ATP2B2: variants seen among roughly 807,000 people sequenced by gnomAD.
ATP2B2 encodes the protein ATPase plasma membrane Ca2+ transporting 2, also known as plasma membrane calcium-transporting ATPase 2.
A neutral mutation model predicts 120.0 loss-of-function variants in ATP2B2; 15 were observed. The observed-to-expected ratio is 0.12, with a 90% CI of 0.08 to 0.19. The LOEUF is 0.19. ATP2B2 is among the 10% of genes least tolerant of loss of function. ATP2B2 has a pLI of 1.00. For synonymous variants in ATP2B2, 694 were observed against 700.3 expected (o/e 0.99, Z 0.14); for missense variants, 1,045 against 1,719.8 (o/e 0.61, Z 6.94).
At chr3:10,568,961 C>T (rs573386248) in intron 2 of ATP2B2, among the ~76,000 whole-genome samples, 1 of 152,324 alleles carries the variant, frequency 6.6e-6, no homozygotes, top group South Asian at 2.1e-4. Context: ...CAGCTAGAAA[C>T]AACAACTTGC....
chr3:10,449,915 G>A (rs2063973512), intron 1 of ATP2B2, 53 bp from the exon 2 acceptor site: 1 of 367,936 alleles, frequency 2.7e-6, no homozygotes, highest in Non-Finnish European at 5.2e-6. Context: ...GAGGCCACAT[G>A]GGACAGGTGC....
At chr3:10,398,771 C>T (rs1050992583) in intron 5 of ATP2B2, among the ~76,000 whole-genome samples, 5 of 152,218 alleles carry the variant, frequency 3.3e-5, no homozygotes, top group Non-Finnish European at 5.9e-5. Context: ...GAGAGCTCCC[C>T]AAGCTCCCCA....
In ATP2B2 at chr3:10,417,802, G is replaced by A. The variant is rs183005043; in HGVS notation, c.200-6987C>T. Among the ~76,000 whole-genome samples, 385 of 152,268 alleles carry A rather than the reference G, an allele frequency of 2.5e-3. 2 individuals are homozygous for A. The highest frequency in any genetic ancestry group is 4.4e-3 in the Non-Finnish European group (296 of 68,020). Reference sequence around the variant, plus strand: ...AAGGAGTGAGGGTTGATCAGATGAAGGGATATGGGTGGGGAGAAGGGCTGT... The same window carrying A: ...AAGGAGTGAGGGTTGATCAGATGAAAGGATATGGGTGGGGAGAAGGGCTGT... On this transcript the variant is annotated intron_variant, in intron 2 of 22. Coordinates refer to ENST00000360273, the MANE Select transcript of ATP2B2 (RefSeq NM_001001331.4).
Position 10,378,428 on chromosome 3 carries a change from C to G in ATP2B2, c.1043-18G>C, listed in dbSNP as rs773384958. ...TTGTTTGGCTGCAGGGGGCAGATCA[C>G]GCACGTGCATACACACAGACACATA... On this transcript the variant is annotated intron_variant, in intron 9 of 22. Transcript: ENST00000360273. The G allele has an allele frequency of 2.5e-6, 4 of 1,599,766 alleles. No individual in the cohort carries two copies. Among genetic ancestry groups the G allele is most frequent in the Non-Finnish European group, 3.4e-6 (4 of 1,179,920 alleles).
chr3:10,450,062 G>A (rs2063980125), intron 1 of ATP2B2, among the ~76,000 whole-genome samples, 200 bp from the exon 2 acceptor site: 1 of 152,048 alleles, frequency 6.6e-6, no homozygotes, highest in Admixed American at 6.5e-5. Context: ...CACCCTCAAG[G>A]CATAGCCCCA....
At position 10,522,036 on chromosome 3, in the gene ATP2B2, CA is replaced by C. The variant is rs1055083975; in HGVS notation, c.-320+12002del. ...TCTTTCACAGTTCACAGAGGTGGGA[CA>C]GTGGGGTTGGGGATTGAAAGACAAG... On this transcript the variant is annotated intron_variant, in intron 3 of 21. Coordinates refer to the ATP2B2 transcript ENST00000646379. 1.8e-4 allele frequency among the ~76,000 whole-genome samples: 27 copies of C among 152,208 alleles called. 1 individual carries two copies. The highest frequency in any genetic ancestry group is 6.3e-4 in the African/African-American group (26 of 41,536).
At chr3:10,652,157 C>T (rs2070484467) in intron 1 of ATP2B2, among the ~76,000 whole-genome samples, 2 of 152,168 alleles carry the variant, frequency 1.3e-5, no homozygotes, top group Admixed American at 6.5e-5. Context: ...CCCACCTCAG[C>T]CCCAGATGTG....
intron 3 of ATP2B2, among the ~76,000 whole-genome samples, chr3:10,514,851 T>TCTCA (rs2066844439): frequency 6.6e-6 from 1 of 152,138 alleles, no homozygotes; most frequent in Non-Finnish European, 1.5e-5. Flanking sequence ...GGGCCACCTC[T>TCTCA]CTCACTGCAC....
chr3:10,706,957 T>C (rs1301685550), intron 1 of ATP2B2, among the ~76,000 whole-genome samples: 3 of 152,228 alleles, frequency 2.0e-5, no homozygotes, highest in Non-Finnish European at 4.4e-5. Flanking sequence ...TCACCCTCTC[T>C]GGGCCTCATG....
intron 1 of ATP2B2, among the ~76,000 whole-genome samples, chr3:10,454,152 A>G (rs1303844385): frequency 6.6e-6 from 1 of 152,232 alleles, no homozygotes; most frequent in East Asian, 1.9e-4. Context: ...TCTGCCCTCT[A>G]CGAGCCCACA....
intron 12 of ATP2B2, among the ~76,000 whole-genome samples, chr3:10,369,846 C>A (rs978888980): frequency 1.1e-4 from 17 of 152,230 alleles, no homozygotes; most frequent in Admixed American, 1.1e-3. Context: ...CACACAGAGG[C>A]TCTGCTGTCC....
chr3:10,458,260 T>G (rs2064348959), intron 1 of ATP2B2, among the ~76,000 whole-genome samples: 1 of 152,162 alleles, frequency 6.6e-6, no homozygotes, highest in East Asian at 1.9e-4. Flanking sequence ...GACACTCAGA[T>G]CCTTTTTCCT....
At chr3:10,433,127 C>T (rs1403975224) in intron 2 of ATP2B2, among the ~76,000 whole-genome samples, 1 of 152,218 alleles carries the variant, frequency 6.6e-6, no homozygotes, top group East Asian at 1.9e-4. Context: ...CTCCAGCTGC[C>T]TCTCTCAAGT....
intron 1 of ATP2B2, among the ~76,000 whole-genome samples, chr3:10,678,597 G>A (rs1171197133): frequency 6.6e-6 from 1 of 152,150 alleles, no homozygotes; most frequent in East Asian, 1.9e-4. Context: ...GAAGCCTGGG[G>A]GCCTCTCAGA....
intron 1 of ATP2B2, among the ~76,000 whole-genome samples, chr3:10,651,099 C>A (rs551278184): frequency 2.0e-5 from 3 of 152,198 alleles, no homozygotes; most frequent in Non-Finnish European, 4.4e-5. Context: ...ATTTTACATG[C>A]TCATAGGCAG....
intron 1 of ATP2B2, among the ~76,000 whole-genome samples, chr3:10,479,956 G>A (rs549610459): frequency 3.3e-5 from 5 of 152,238 alleles, no homozygotes; most frequent in East Asian, 3.9e-4. Flanking sequence ...TTAGCCAGGC[G>A]TGGTGGTGCA....
intron 2 of ATP2B2, among the ~76,000 whole-genome samples, chr3:10,535,385 A>ATG (rs34707434): frequency 0.051 from 7,546 of 147,108 alleles, 264 homozygotes; most frequent in African/African-American, 0.1. Context: ...CAGCAGTTTG[A>ATG]TGTGTGTGTG....
chr3:10,492,267 C>T (rs571508976), intron 1 of ATP2B2, among the ~76,000 whole-genome samples: 12 of 152,064 alleles, frequency 7.9e-5, no homozygotes, highest in Non-Finnish European at 1.6e-4. Flanking sequence ...CAGGTAAGCA[C>T]CAGGCAAGAA....
At chr3:10,393,610 G>A (rs565409049) in intron 5 of ATP2B2, among the ~76,000 whole-genome samples, 1 of 152,304 alleles carries the variant, frequency 6.6e-6, no homozygotes, top group South Asian at 2.1e-4. Context: ...TGGGAGAGCT[G>A]TCTGGGGCAG....
Sources: gnomAD v4.1 joint callset for allele counts (sites outside exome capture counted in the v4.1 genomes callset) on GRCh38, gnomAD v4.1.1 for gene constraint, MANE v1.5 for transcripts, NCBI Gene and HGNC (gene_info 2026-07-23, HGNC 2026-07-21) for gene names.